Variants in KIF13B observed in about 807,000 individuals in gnomAD.
KIF13B encodes kinesin-like protein KIF13B.
KIF13B carries 127 observed loss-of-function variants against 222.0 expected under a neutral mutation model. That is an observed-to-expected ratio of 0.57 (90% CI 0.50 to 0.66). The LOEUF is 0.66. Ranked by LOEUF, KIF13B falls within the 30% of genes least tolerant of loss-of-function variation. The pLI is 0.00. For missense variants in KIF13B, 2,173 were observed against 2,379.0 expected (o/e 0.91, Z 1.80); for synonymous variants, 976 against 919.0 (o/e 1.06, Z -1.12).
chr8:29,187,476 A>C lies in KIF13B; in HGVS notation c.317-1004T>G, dbSNP rs558916932. 3.3e-5 allele frequency among the ~76,000 whole-genome samples: 5 copies of C among 152,336 alleles called. No individual in the cohort carries two copies. In the East Asian group the frequency reaches 9.6e-4, roughly 29 times the overall value. On this transcript the variant is annotated intron_variant, in intron 5 of 39. Transcript: ENST00000524189. ...AACCTGGGAGGCAGAGGCTGCAATGAGCAGAGATTGTGCCACTGCACTCCA... is the reference window on the plus strand; with the variant it reads ...AACCTGGGAGGCAGAGGCTGCAATGCGCAGAGATTGTGCCACTGCACTCCA...
chr8:29,142,326 C>T (rs373133313), intron 18 of KIF13B, 23 bp from the exon 19 acceptor site: 11 of 1,598,784 alleles, frequency 6.9e-6, no homozygotes, highest in East Asian at 4.5e-5. Context: ...TAAGAATGAC[C>T]GTGAGAAACA....
intron 2 of KIF13B, among the ~76,000 whole-genome samples, chr8:29,237,465 T>C (rs1815563955): frequency 1.3e-5 from 2 of 152,166 alleles, no homozygotes; most frequent in Admixed American, 6.5e-5. Context: ...CAACTAACCA[T>C]ATACACAAAC....
intron 18 of KIF13B, among the ~76,000 whole-genome samples, chr8:29,145,162 C>A (rs1280765719): frequency 1.3e-5 from 2 of 152,060 alleles, no homozygotes; most frequent in African/African-American, 4.8e-5. Flanking sequence ...TACTAGTGTT[C>A]TAATTAAGTA....
At chr8:29,142,592 C>A (rs965205615) in intron 18 of KIF13B, among the ~76,000 whole-genome samples, 2 of 152,132 alleles carry the variant, frequency 1.3e-5, no homozygotes, top group Non-Finnish European at 2.9e-5. Flanking sequence ...GTAATCCCAG[C>A]ACTTTGGGAG....
chr8:29,142,374 C>A (rs966843310), intron 18 of KIF13B, 71 bp from the exon 19 acceptor site: 2 of 1,348,162 alleles, frequency 1.5e-6, no homozygotes, highest in Non-Finnish European at 2.1e-6. Flanking sequence ...CAATTCCACC[C>A]CCATCAGTCA....
chr8:29,164,072 T>C (rs1217045273), intron 12 of KIF13B, among the ~76,000 whole-genome samples: 1 of 152,238 alleles, frequency 6.6e-6, no homozygotes, highest in Non-Finnish European at 1.5e-5. Context: ...TGCTGATCTT[T>C]AATGAAACCA....
chr8:29,262,960 C>G lies in KIF13B; in HGVS notation c.55+20G>C, dbSNP rs775709733. 31 of 1,577,364 alleles carry G rather than the reference C, an allele frequency of 2.0e-5. No individual in the cohort carries two copies. The highest frequency in any genetic ancestry group is 1.7e-4 in the Middle Eastern group (1 of 5,988). Reference sequence around the variant, plus strand: ...ACCTGCCGCCTCCGCCCCGGCGGCCCAGGAGGGCTCGGCTCTCACCTCGCC... The same window carrying G: ...ACCTGCCGCCTCCGCCCCGGCGGCCGAGGAGGGCTCGGCTCTCACCTCGCC... On this transcript the variant is annotated intron_variant, in intron 1 of 39. Coordinates refer to ENST00000524189, the MANE Select transcript of KIF13B (RefSeq NM_015254.4).
At chr8:29,131,705 CTGAT>C (rs1034531557) in intron 23 of KIF13B, among the ~76,000 whole-genome samples, 6 of 152,194 alleles carry the variant, frequency 3.9e-5, no homozygotes, top group African/African-American at 1.4e-4. Flanking sequence ...CTCTCTACAG[CTGAT>C]TAATTAAAAG....
intron 5 of KIF13B, among the ~76,000 whole-genome samples, chr8:29,186,742 T>C (rs1438644947): frequency 6.6e-6 from 1 of 151,860 alleles, no homozygotes; most frequent in Non-Finnish European, 1.5e-5. Flanking sequence ...GCAGATTGCC[T>C]GAGCTCAGGA....
chr8:29,079,554 TAA>T (rs1807711694), intron 37 of KIF13B, among the ~76,000 whole-genome samples: 1 of 152,186 alleles, frequency 6.6e-6, no homozygotes, highest in Non-Finnish European at 1.5e-5. Context: ...TAAAGAAGAC[TAA>T]ATTGTACAGT....
intron 36 of KIF13B, among the ~76,000 whole-genome samples, chr8:29,093,361 T>A (rs1808384864): frequency 6.6e-6 from 1 of 152,114 alleles, no homozygotes; most frequent in Admixed American, 6.5e-5. Context: ...GGGTAAAGGG[T>A]AGTGTTTGAG....
chr8:29,149,920 T>G (rs748898550), intron 15 of KIF13B, among the ~76,000 whole-genome samples: 1 of 152,118 alleles, frequency 6.6e-6, no homozygotes, highest in Non-Finnish European at 1.5e-5. Flanking sequence ...AACCTTATTT[T>G]ATAGATAAGG....
chr8:29,115,078 G>A (rs184936157), intron 31 of KIF13B, among the ~76,000 whole-genome samples: 8 of 152,224 alleles, frequency 5.3e-5, no homozygotes, highest in Non-Finnish European at 1.0e-4. Context: ...TGGCATTACC[G>A]CCAGTCTTCA....
At chr8:29,228,112 T>C (rs542834407) in intron 2 of KIF13B, among the ~76,000 whole-genome samples, 1 of 151,340 alleles carries the variant, frequency 6.6e-6, no homozygotes, top group Admixed American at 6.6e-5. Flanking sequence ...GCAAAAGAAA[T>C]GTTAGAAATA....
In KIF13B at chr8:29,188,622, A is replaced by G; in HGVS notation, c.224-15T>C. 1 of 1,538,764 alleles carries G rather than the reference A, an allele frequency of 6.5e-7. No homozygotes were observed. The highest frequency in any genetic ancestry group is 8.9e-7 in the Non-Finnish European group (1 of 1,121,782). On this transcript the variant is annotated splice_polypyrimidine_tract_variant and intron_variant, in intron 4 of 39. Coordinates refer to ENST00000524189, the MANE Select transcript of KIF13B (RefSeq NM_015254.4). ...AATATCTTGACCTGAGAGAGAGAGAATAAGAGAAAAGATATTTTAAGCCAA... is the reference window on the plus strand; with the variant it reads ...AATATCTTGACCTGAGAGAGAGAGAGTAAGAGAAAAGATATTTTAAGCCAA...
chr8:29,092,326 C>T (rs1461946011), intron 37 of KIF13B, among the ~76,000 whole-genome samples: 1 of 152,100 alleles, frequency 6.6e-6, no homozygotes, highest in Non-Finnish European at 1.5e-5. Context: ...AACAGGTTAT[C>T]CACAGCAGAG....
At chr8:29,247,548 G>C (rs1362313881) in intron 1 of KIF13B, among the ~76,000 whole-genome samples, 1 of 152,048 alleles carries the variant, frequency 6.6e-6, no homozygotes, top group Non-Finnish European at 1.5e-5. Flanking sequence ...AGACAAATAG[G>C]CCAGGTGCAA....
intron 1 of KIF13B, among the ~76,000 whole-genome samples, chr8:29,260,870 G>C (rs542027068): frequency 6.6e-6 from 1 of 152,012 alleles, no homozygotes. Context: ...CACCCGCCTC[G>C]GCCTCCCAAA....
chr8:29,240,355 A>T (rs1815717830), intron 2 of KIF13B, among the ~76,000 whole-genome samples: 1 of 151,962 alleles, frequency 6.6e-6, no homozygotes, highest in African/African-American at 2.4e-5. Context: ...CTTTCACGTA[A>T]GAATGTCCTC....
Sources: gnomAD v4.1 joint callset for allele counts (sites outside exome capture counted in the v4.1 genomes callset) on GRCh38, gnomAD v4.1.1 for gene constraint, MANE v1.5 for transcripts, NCBI Gene and HGNC (gene_info 2026-07-23, HGNC 2026-07-21) for gene names.